Variants in UGT2A2 observed in about 807,000 individuals in gnomAD.
UGT2A2 encodes the protein UDP-glucuronosyltransferase 2A2.
Under a neutral mutation model 50.7 loss-of-function variants are expected in UGT2A2, and 60 were observed. The ratio of observed to expected loss-of-function variants is 1.18; its 90% CI spans 0.96 to 1.47. The LOEUF is 1.47. Ranked by LOEUF, UGT2A2 falls within the 40% of genes most tolerant of loss-of-function variation. UGT2A2 has a pLI of 0.00. For missense variants in UGT2A2, 762 were observed against 634.0 expected (o/e 1.20, Z -2.17); for synonymous variants, 242 against 214.6 (o/e 1.13, Z -1.11).
At chr4:69,635,473 C>T (rs1310732151) in intron 1 of UGT2A2, among the ~76,000 whole-genome samples, 1 of 152,180 alleles carries the variant, frequency 6.6e-6, no homozygotes, top group African/African-American at 2.4e-5. Flanking sequence ...AGGCTAGTCT[C>T]AAATTCTACA....
intron 2 of UGT2A2, 113 bp downstream of exon 2, chr4:69,599,133 T>C (rs1719104953): frequency 1.4e-6 from 2 of 1,407,000 alleles, no homozygotes; most frequent in Non-Finnish European, 1.9e-6. Flanking sequence ...AGATGTGGAG[T>C]AGCAAACTGA....
chr4:69,635,076 C>A (rs1203038488), intron 1 of UGT2A2, among the ~76,000 whole-genome samples: 2 of 151,040 alleles, frequency 1.3e-5, no homozygotes, highest in African/African-American at 4.9e-5. Context: ...TCCTATCTAC[C>A]CCCTAAATAT....
intron 1 of UGT2A2, among the ~76,000 whole-genome samples, chr4:69,606,312 A>G (rs1384005026): frequency 7.3e-6 from 1 of 136,584 alleles, no homozygotes; most frequent in African/African-American, 3.0e-5. Flanking sequence ...AACAGAACCA[A>G]AGACAAAAAC....
Position 69,589,510 on chromosome 4 carries a change from G to A in UGT2A2, c.1473C>T (p.Thr491=). 1.2e-6 allele frequency: 2 copies of A among 1,614,124 alleles called. No homozygotes were observed. The highest frequency in any genetic ancestry group is 2.2e-5 in the South Asian group (2 of 91,082). The change falls in exon 6 of 6, where the codon ACC becomes ACT. Residue 491 remains threonine (T), a synonymous_variant. Coordinates refer to ENST00000604629, the MANE Select transcript of UGT2A2 (RefSeq NM_001105677.2). The stretch of plus-strand genomic sequence containing the variant: ...CATCCAAAGAGTGGTACTGGAACCA[G>A]GTGAGGTCATGGGCTGCAACCCGAA... ...KHLRVAAHDL[T]WFQYHSLDVI...
intron 2 of UGT2A2, among the ~76,000 whole-genome samples, chr4:69,597,715 A>AAC (rs71671445): frequency 0.38 from 57,196 of 150,232 alleles, 10,920 homozygotes; most frequent in East Asian, 0.55. Context: ...TCATTAAAAT[A>AAC]ACACACACAC....
At position 69,589,417 on chromosome 4, in the gene UGT2A2, G is replaced by C. The variant is rs1560463257; in HGVS notation, c.1566C>G (p.Ser522=). The change falls in exon 6 of 6, where the codon TCC becomes TCG. Residue 522 remains serine (S), a synonymous_variant. Transcript: ENST00000604629. The stretch of plus-strand genomic sequence containing the variant: ...TTCCTATCTTACCAAATTTTTGACA[G>C]GAAAACAAACAACATTGTATGACCA... The part of the protein sequence containing the change: ...IFLVIQCCLF[S]CQKFGKIGKK... 1.9e-6 allele frequency: 3 copies of C among 1,612,830 alleles called. No homozygotes were observed. The highest frequency in any genetic ancestry group is 1.3e-5 in the African/African-American group (1 of 74,770).
intron 1 of UGT2A2, among the ~76,000 whole-genome samples, chr4:69,613,194 T>C (rs72637470): frequency 0.12 from 18,092 of 151,660 alleles, 1,454 homozygotes; most frequent in Non-Finnish European, 0.18. Context: ...AACAGACATA[T>C]AGACATATAA....
chr4:69,627,367 A>G (rs1721118739), intron 1 of UGT2A2, among the ~76,000 whole-genome samples: 1 of 151,828 alleles, frequency 6.6e-6, no homozygotes, highest in African/African-American at 2.4e-5. Context: ...CATATCACAT[A>G]CTACATTACT....
At chr4:69,614,044 AT>A (rs1244131892) in intron 1 of UGT2A2, among the ~76,000 whole-genome samples, 45 of 152,028 alleles carry the variant, frequency 3.0e-4, no homozygotes, top group African/African-American at 1.0e-3. Flanking sequence ...AATTATTCTT[AT>A]TTACAAAAAA....
chr4:69,627,358 A>G (rs1195676932), intron 1 of UGT2A2, among the ~76,000 whole-genome samples: 2 of 151,880 alleles, frequency 1.3e-5, no homozygotes, highest in Non-Finnish European at 2.9e-5. Flanking sequence ...TACTAGACTC[A>G]TATCACATAC....
Position 69,594,581 on chromosome 4 carries a change from G to C in UGT2A2, c.1227C>G (p.Asn409Lys). 6.2e-7 allele frequency: 1 copy of C among 1,614,128 alleles called. No individual in the cohort carries two copies. Among genetic ancestry groups the C allele is most frequent in the Non-Finnish European group, 8.5e-7 (1 of 1,180,032 alleles). ...CTCCTTTGGCCTTCATGTGAGCAAT[G>C]TTATCAGGCTGATCAGCAAACATGG... ...GVPMFADQPD[N>K]IAHMKAKGAA... Residue 409 changes from asparagine to lysine, a missense_variant, in exon 5 of 6, where the codon AAC (asparagine) becomes AAG (lysine). Coordinates refer to ENST00000604629, the MANE Select transcript of UGT2A2 (RefSeq NM_001105677.2).
intron 4 of UGT2A2, 83 bp from the exon 5 acceptor site, chr4:69,594,779 G>T (rs1316068566): frequency 6.9e-7 from 1 of 1,450,956 alleles, no homozygotes; most frequent in Non-Finnish European, 9.3e-7. Flanking sequence ...TCAAAAAGCT[G>T]TAATGTAACT....
rs970963368 is a variant in UGT2A2 at position 69,589,390 on chromosome 4, C to A, written c.1593G>T (p.Lys531Asn). 6.2e-7 allele frequency: 1 copy of A among 1,603,196 alleles called. No homozygotes were observed. Among genetic ancestry groups the A allele is most frequent in the African/African-American group, 1.4e-5 (1 of 74,032 alleles). Residue 531 changes from lysine (K) to asparagine (N), a missense_variant, in exon 6 of 6, where the codon AAG becomes AAT. By Grantham distance (94) the Lys-to-Asn change is moderately conservative. Coordinates refer to ENST00000604629, the MANE Select transcript of UGT2A2 (RefSeq NM_001105677.2). ...TCTTGACCTATTCTCTTTTTTTCTT[C>A]TTTCCTATCTTACCAAATTTTTGAC... ...FSCQKFGKIGKKKKRE is the reference protein window; with the variant it reads ...FSCQKFGKIGNKKKRE
intron 4 of UGT2A2, 54 bp downstream of exon 4, chr4:69,595,102 AACAGTT>A: frequency 6.3e-7 from 1 of 1,584,246 alleles, no homozygotes; most frequent in African/African-American, 1.3e-5. Context: ...TTTGCTATTA[AACAGTT>A]ACTTAACTTG....
chr4:69,597,052 G>A (rs1479681081), intron 2 of UGT2A2, among the ~76,000 whole-genome samples: 2 of 152,124 alleles, frequency 1.3e-5, no homozygotes, highest in South Asian at 2.1e-4. Flanking sequence ...CCCAACAAAG[G>A]ATACTGAGCT....
chr4:69,596,056 C>G (rs1718902216), intron 3 of UGT2A2, among the ~76,000 whole-genome samples, 194 bp downstream of exon 3: 1 of 152,074 alleles, frequency 6.6e-6, no homozygotes. Flanking sequence ...AAAATAATGC[C>G]AAGGCTCAGT....
intron 5 of UGT2A2, among the ~76,000 whole-genome samples, chr4:69,590,219 G>A (rs568791226): frequency 6.6e-6 from 1 of 152,252 alleles, no homozygotes; most frequent in East Asian, 1.9e-4. Context: ...AAATACTCTG[G>A]TGATTTAAGA....
chr4:69,589,883 G>C (rs562684415), intron 5 of UGT2A2, among the ~76,000 whole-genome samples: 1 of 152,166 alleles, frequency 6.6e-6, no homozygotes, highest in Non-Finnish European at 1.5e-5. Flanking sequence ...TAAAAAAGTA[G>C]AGTAAGCCAG....
chr4:69,616,398 G>C (rs2109927518), intron 1 of UGT2A2, among the ~76,000 whole-genome samples: 1 of 151,990 alleles, frequency 6.6e-6, no homozygotes, highest in East Asian at 1.9e-4. Flanking sequence ...TCCTAACATA[G>C]AAAAGATAAA....
Sources: gnomAD v4.1 joint callset for allele counts (sites outside exome capture counted in the v4.1 genomes callset) on GRCh38, gnomAD v4.1.1 for gene constraint, MANE v1.5 for transcripts, NCBI Gene and HGNC (gene_info 2026-07-23, HGNC 2026-07-21) for gene names.